The following NOL4 variants were observed in gnomAD, a reference collection of about 807,000 sequenced individuals.
The protein encoded by NOL4 is nucleolar protein 4.
NOL4 carries 17 observed loss-of-function variants against 75.9 expected under a neutral mutation model. The ratio of observed to expected loss-of-function variants is 0.22; its 90% CI spans 0.15 to 0.34. The LOEUF is 0.34. NOL4 is among the 10% of genes least tolerant of loss of function. The pLI is 1.00. For synonymous variants in NOL4, 292 were observed against 289.9 expected (o/e 1.01, Z -0.07); for missense variants, 614 against 793.5 (o/e 0.77, Z 2.72).
At chr18:33,969,900 A>T (rs1299978142) in intron 6 of NOL4, among the ~76,000 whole-genome samples, 1 of 152,190 alleles carries the variant, frequency 6.6e-6, no homozygotes, top group Non-Finnish European at 1.5e-5. Context: ...TACATTTTTT[A>T]GGCACTTCAA....
chr18:34,135,701 A>AAAAAAAAAAG lies in NOL4; in HGVS notation c.265-5682_265-5681insCTTTTTTTTT, dbSNP rs1422433002. Among the ~76,000 whole-genome samples the AAAAAAAAAAG allele has an allele frequency of 7.3e-5, 11 of 150,490 alleles. 1 individual carries two copies. In the East Asian group the frequency reaches 2.1e-3, roughly 29 times the overall value. On this transcript the variant is annotated intron_variant, in intron 1 of 10. Coordinates refer to ENST00000261592, the MANE Select transcript of NOL4 (RefSeq NM_003787.5). ...CGACAGAGTGAGACTCCATCTCAAA[A>AAAAAAAAAAG]AAAAAAAAAAGCTTTTCACACACAG...
chr18:33,852,879 G>T lies in NOL4; in HGVS notation c.1880C>A (p.Ala627Glu). The change falls in exon 11 of 11, where the codon GCA becomes GAA. Residue 627 changes from alanine to glutamate, a missense_variant. Ala to Glu is a moderately radical substitution (Grantham distance 107). Around this residue, in one of 9 missense-constraint regions of NOL4, gnomAD observed 128 missense variants for 159.9 expected, o/e 0.80. Transcript: ENST00000261592. ...TAAAATGAGATTTTCCAGTTCATCT[G>T]CAGATCGCAATAAAAATGCAGCTGA... ...RESAAFLLRS[A>E]DELENLILQQ... 6.2e-7 allele frequency: 1 copy of T among 1,612,834 alleles called. No individual in the cohort carries two copies. The highest frequency in any genetic ancestry group is 8.5e-7 in the Non-Finnish European group (1 of 1,179,342).
intron 9 of NOL4, among the ~76,000 whole-genome samples, chr18:33,900,361 C>G (rs976116870): frequency 2.0e-5 from 3 of 152,104 alleles, no homozygotes; most frequent in Admixed American, 2.0e-4. Context: ...CACTAGGCCC[C>G]AGCTCCAACA....
chr18:34,050,022 A>C (rs1215722859), intron 5 of NOL4, among the ~76,000 whole-genome samples: 1 of 152,190 alleles, frequency 6.6e-6, no homozygotes, highest in Non-Finnish European at 1.5e-5. Flanking sequence ...TAAAAGAGAC[A>C]GCATATTTTA....
intron 1 of NOL4, among the ~76,000 whole-genome samples, chr18:34,167,166 A>C (rs375549691): frequency 6.6e-6 from 1 of 151,894 alleles, no homozygotes; most frequent in African/African-American, 2.4e-5. Context: ...GGATGATTTA[A>C]AGTATACAAA....
intron 9 of NOL4, among the ~76,000 whole-genome samples, chr18:33,911,479 C>G (rs1225371706): frequency 6.6e-6 from 1 of 152,092 alleles, no homozygotes; most frequent in Admixed American, 6.6e-5. Context: ...AGTGATTTAA[C>G]AAATGATCTT....
At chr18:33,958,830 T>A (rs2069868393) in intron 6 of NOL4, among the ~76,000 whole-genome samples, 1 of 152,006 alleles carries the variant, frequency 6.6e-6, no homozygotes, top group Non-Finnish European at 1.5e-5. Context: ...AGTACTAGTA[T>A]TACACTTTAT....
chr18:33,864,998 T>C (rs1429512750), intron 10 of NOL4, among the ~76,000 whole-genome samples: 1 of 152,166 alleles, frequency 6.6e-6, no homozygotes, highest in Non-Finnish European at 1.5e-5. Context: ...CCTCCCATCA[T>C]GTCCCTCCCT....
intron 1 of NOL4, among the ~76,000 whole-genome samples, chr18:34,156,845 T>C (rs2030495881): frequency 3.3e-5 from 5 of 152,096 alleles, no homozygotes; most frequent in Admixed American, 3.3e-4. Context: ...CTGCTGCACA[T>C]AGTATAAAAT....
chr18:34,001,808 T>C (rs2073735448), intron 6 of NOL4: 1 of 152,618 alleles, frequency 6.6e-6, no homozygotes, highest in Non-Finnish European at 1.5e-5. Flanking sequence ...ACAAAGACAA[T>C]ATTTCATAAA....
At chr18:33,999,792 C>T (rs2073562558) in intron 6 of NOL4, among the ~76,000 whole-genome samples, 1 of 152,028 alleles carries the variant, frequency 6.6e-6, no homozygotes. Flanking sequence ...GCTGGAACTA[C>T]AGGCATGTAC....
At chr18:33,983,952 T>C (rs1481473665) in intron 6 of NOL4, among the ~76,000 whole-genome samples, 1 of 152,112 alleles carries the variant, frequency 6.6e-6, no homozygotes, top group Non-Finnish European at 1.5e-5. Context: ...ATTTACAAAG[T>C]AATGTATTAA....
At chr18:34,094,339 T>C (rs534803090) in intron 4 of NOL4, among the ~76,000 whole-genome samples, 1 of 152,296 alleles carries the variant, frequency 6.6e-6, no homozygotes, top group African/African-American at 2.4e-5. Flanking sequence ...CCACATGTAA[T>C]GGAGAGCAAG....
intron 1 of NOL4, among the ~76,000 whole-genome samples, chr18:34,148,724 A>G (rs1423781901): frequency 6.6e-6 from 1 of 151,998 alleles, no homozygotes; most frequent in African/African-American, 2.4e-5. Context: ...GATGTCTATT[A>G]GGTCTGCTTG....
intron 1 of NOL4, chr18:34,157,265 C>A (rs2030582323): frequency 6.6e-6 from 1 of 150,696 alleles, no homozygotes; most frequent in Non-Finnish European, 1.5e-5. Context: ...CTTCATGACA[C>A]TGTCTGGCAT....
chr18:34,080,150 G>A (rs1347209198), intron 5 of NOL4, among the ~76,000 whole-genome samples: 2 of 152,168 alleles, frequency 1.3e-5, no homozygotes, highest in Non-Finnish European at 2.9e-5. Context: ...CACCTGTGAT[G>A]TGTCATTCAT....
Position 34,117,843 on chromosome 18 carries a change from C to T in NOL4, c.414+12028G>A, listed in dbSNP as rs146635908. Among the ~76,000 whole-genome samples the T allele has an allele frequency of 5.7e-3, 875 of 152,260 alleles. 7 individuals carry two copies. Among genetic ancestry groups the T allele is most frequent in the Non-Finnish European group, 9.2e-3 (624 of 68,028 alleles). On this transcript the variant is annotated intron_variant, in intron 2 of 10. Coordinates refer to ENST00000261592, the MANE Select transcript of NOL4 (RefSeq NM_003787.5). Reference sequence around the variant, plus strand: ...GCCATTCTTGGTCTAAGATTTGAAGCTAATGTGCGAGCTGAAATAAAGCCA... The same window carrying T: ...GCCATTCTTGGTCTAAGATTTGAAGTTAATGTGCGAGCTGAAATAAAGCCA...
chr18:34,204,938 C>A (rs2036015847), intron 1 of NOL4, among the ~76,000 whole-genome samples: 1 of 152,102 alleles, frequency 6.6e-6, no homozygotes, highest in Non-Finnish European at 1.5e-5. Context: ...TTACTGTCCC[C>A]ATTTCACATA....
intron 6 of NOL4, among the ~76,000 whole-genome samples, chr18:33,987,336 C>T (rs1600158745): frequency 6.6e-6 from 1 of 152,000 alleles, no homozygotes; most frequent in South Asian, 2.1e-4. Flanking sequence ...CAGAAGCATG[C>T]CATAGATGAA....
Sources: gnomAD v4.1 joint callset for allele counts (sites outside exome capture counted in the v4.1 genomes callset) on GRCh38, gnomAD v4.1.1 for gene constraint, gnomAD v4.1.1 regional missense constraint, MANE v1.5 for transcripts, NCBI Gene and HGNC (gene_info 2026-07-23, HGNC 2026-07-21) for gene names.